The following RFX7 variants were observed in gnomAD, a reference collection of about 807,000 sequenced individuals.
The protein encoded by RFX7 is DNA-binding protein RFX7.
Under a neutral mutation model 111.8 loss-of-function variants are expected in RFX7, and 26 were observed. The ratio of observed to expected loss-of-function variants is 0.23; its 90% CI spans 0.17 to 0.32. RFX7 has a LOEUF of 0.32. Among genes scored for constraint, RFX7 ranks in the 10% least tolerant of loss-of-function variants. The probability of loss-of-function intolerance (pLI) is 1.00; values close to 1 mark genes in which losing one functional copy is unlikely to be tolerated. For synonymous variants in RFX7, 624 were observed against 624.4 expected (o/e 1.00, Z 0.01); for missense variants, 1,573 against 1,772.9 (o/e 0.89, Z 2.02).
intron 2 of RFX7, among the ~76,000 whole-genome samples, chr15:56,214,559 C>A (rs372813596): frequency 6.6e-6 from 1 of 151,850 alleles, no homozygotes; most frequent in Non-Finnish European, 1.5e-5. Context: ...ACTAAAAATA[C>A]GAAAAATTAG....
At chr15:56,165,965 G>C (rs560180214) in intron 3 of RFX7, among the ~76,000 whole-genome samples, 1 of 152,126 alleles carries the variant, frequency 6.6e-6, no homozygotes, top group Non-Finnish European at 1.5e-5. Flanking sequence ...GCAGTGGCAC[G>C]TTCATGGCTC....
At chr15:56,154,518 C>G (rs1210794259) in intron 3 of RFX7, among the ~76,000 whole-genome samples, 11 of 152,150 alleles carry the variant, frequency 7.2e-5, no homozygotes, top group Non-Finnish European at 1.6e-4. Flanking sequence ...CTGAGAAAAA[C>G]AAGCAATGGG....
In RFX7 at chr15:56,158,344, TTATGA is replaced by T. The variant is rs567907127; in HGVS notation, c.196-13866_196-13862del. 1.6e-4 allele frequency among the ~76,000 whole-genome samples: 24 copies of T among 152,300 alleles called. No homozygotes were observed. The South Asian group carries it at 4.1e-3, about 26-fold the overall frequency. Reference sequence around the variant, plus strand: ...GCTCATAATTTTTGTGATATAAAACTTATGATAGGTAGTGTTATGTAAATGTTATT... The same window carrying T: ...GCTCATAATTTTTGTGATATAAAACTTAGGTAGTGTTATGTAAATGTTATT... On this transcript the variant is annotated intron_variant, in intron 3 of 9. Transcript: ENST00000559447.
intron 2 of RFX7, among the ~76,000 whole-genome samples, chr15:56,238,662 C>T (rs1472785102): frequency 1.3e-5 from 2 of 152,076 alleles, no homozygotes; most frequent in East Asian, 1.9e-4. Flanking sequence ...TAATTGATAA[C>T]AAATTCTTTT....
chr15:56,089,030 C>T lies in RFX7; in HGVS notation c.*4315G>A, dbSNP rs1304019177. On this transcript the variant is annotated 3_prime_UTR_variant, in exon 10 of 10. Coordinates refer to ENST00000559447, the MANE Select transcript of RFX7 (RefSeq NM_022841.7). The stretch of plus-strand genomic sequence containing the variant: ...CTGGTTGCCTCCCAAAGAGCAAGTC[C>T]CTAATATCTTCCCTAGGTGATGGAA... The T allele has an allele frequency of 6.6e-6, 1 of 152,106 alleles. No homozygotes were observed. The highest frequency in any genetic ancestry group is 2.4e-5 in the African/African-American group (1 of 41,398). The allele number at this position is 152,106 out of a possible 1,614,324, so 9.4% of individuals were successfully genotyped here. A position where few individuals can be genotyped will look rare whatever the true frequency, so the allele number is the denominator to read the frequency against.
chr15:56,127,270 T>C (rs1375946913), intron 5 of RFX7, among the ~76,000 whole-genome samples: 2 of 151,630 alleles, frequency 1.3e-5, no homozygotes, highest in Non-Finnish European at 2.9e-5. Context: ...AGAGAATACT[T>C]GAGATAAAAA....
chr15:56,243,711 C>T lies in RFX7; in HGVS notation c.-269G>A, dbSNP rs1405091010. Among the ~76,000 whole-genome samples, 1 of 151,646 alleles carries T rather than the reference C, an allele frequency of 6.6e-6. No homozygotes were observed. Among genetic ancestry groups the T allele is most frequent in the African/African-American group, 2.4e-5 (1 of 41,368 alleles). On this transcript the variant is annotated 5_prime_UTR_variant, in exon 1 of 10. Coordinates refer to ENST00000559447, the MANE Select transcript of RFX7 (RefSeq NM_022841.7). ...GGGATTTGGCGGCCAAGCCTTCCTT[C>T]CTTGTCCCCGGGGCTTTCTACTGCC...
At chr15:56,142,955 T>C in intron 4 of RFX7, 55 bp from the exon 5 acceptor site, 1 of 1,594,818 alleles carries the variant, frequency 6.3e-7, no homozygotes, top group South Asian at 1.1e-5. Flanking sequence ...TTAACGATTT[T>C]TGAGCTAGGC....
Position 56,093,470 on chromosome 15 carries a change from G to T in RFX7, c.4258C>A (p.Leu1420Met). ...RQQGQDDEAT[L>M]EELKNDPLFQ... Reference sequence around the variant, plus strand: ...AATGGGTCATTCTTTAATTCTTCCAGTGTAGCTTCATCATCTTGTCCCTGC... The same window carrying T: ...AATGGGTCATTCTTTAATTCTTCCATTGTAGCTTCATCATCTTGTCCCTGC... Residue 1420 changes from leucine (L) to methionine (M), a missense_variant, in exon 10 of 10, where the codon CTG (leucine) becomes ATG (methionine). Physicochemically the swap from Leu to Met is conservative, Grantham distance 15. This residue lies in a region of RFX7 where 411 missense variants were observed against 478.1 expected (regional missense o/e 0.86). Coordinates refer to ENST00000559447, the MANE Select transcript of RFX7 (RefSeq NM_022841.7). 2.5e-6 allele frequency: 4 copies of T among 1,613,852 alleles called. No homozygotes were observed. The highest frequency in any genetic ancestry group is 3.4e-6 in the Non-Finnish European group (4 of 1,179,842).
chr15:56,127,712 T>G (rs1469919056), intron 5 of RFX7, among the ~76,000 whole-genome samples: 1 of 151,810 alleles, frequency 6.6e-6, no homozygotes, highest in Non-Finnish European at 1.5e-5. Flanking sequence ...CATGCCCGGC[T>G]AATTTTTGTA....
intron 3 of RFX7, among the ~76,000 whole-genome samples, chr15:56,174,824 G>A (rs1280901871): frequency 2.6e-5 from 4 of 152,038 alleles, no homozygotes; most frequent in African/African-American, 9.7e-5. Context: ...AAAGTAACAT[G>A]TTTAACCTGA....
At chr15:56,158,084 T>C (rs1486520618) in intron 3 of RFX7, among the ~76,000 whole-genome samples, 1 of 152,146 alleles carries the variant, frequency 6.6e-6, no homozygotes, top group Non-Finnish European at 1.5e-5. Context: ...GAATAACCCA[T>C]ATTACATAAG....
chr15:56,215,368 C>A (rs1462936851), intron 2 of RFX7, among the ~76,000 whole-genome samples: 1 of 152,124 alleles, frequency 6.6e-6, no homozygotes, highest in Non-Finnish European at 1.5e-5. Context: ...TTAAAGAAGT[C>A]CCCTTCTGTT....
intron 5 of RFX7, among the ~76,000 whole-genome samples, chr15:56,109,039 C>G (rs1210411577): frequency 2.0e-5 from 3 of 151,064 alleles, no homozygotes; most frequent in African/African-American, 4.8e-5. Context: ...CCCTCTCCCT[C>G]TCCCACTCCC....
chr15:56,154,599 T>C (rs1595972382), intron 3 of RFX7, among the ~76,000 whole-genome samples: 1 of 152,148 alleles, frequency 6.6e-6, no homozygotes, highest in South Asian at 2.1e-4. Flanking sequence ...TGAAACTGGA[T>C]CCCTTCCTTA....
At chr15:56,100,225 C>G (rs1451520750) in intron 8 of RFX7, among the ~76,000 whole-genome samples, 4 of 152,196 alleles carry the variant, frequency 2.6e-5, no homozygotes, top group Non-Finnish European at 4.4e-5. Context: ...ACCTATCTCA[C>G]AGGACTGCTG....
chr15:56,240,803 ATAT>A (rs1353130949), intron 2 of RFX7, among the ~76,000 whole-genome samples: 32 of 152,270 alleles, frequency 2.1e-4, no homozygotes, highest in African/African-American at 7.2e-4. Flanking sequence ...TTGTAAAATA[ATAT>A]TATTGTCTCA....
intron 2 of RFX7, among the ~76,000 whole-genome samples, chr15:56,197,501 A>G (rs902760381): frequency 6.6e-6 from 1 of 151,920 alleles, no homozygotes; most frequent in Non-Finnish European, 1.5e-5. Context: ...TCTGGATTCC[A>G]TGTGTGATGT....
At chr15:56,144,794 T>C (rs2042446583) in intron 3 of RFX7, among the ~76,000 whole-genome samples, 1 of 152,136 alleles carries the variant, frequency 6.6e-6, no homozygotes, top group Non-Finnish European at 1.5e-5. Flanking sequence ...GTTTTACTTG[T>C]CCTATAGGAC....
Sources: gnomAD v4.1 joint callset for allele counts (sites outside exome capture counted in the v4.1 genomes callset) on GRCh38, gnomAD v4.1.1 for gene constraint, gnomAD v4.1.1 regional missense constraint, MANE v1.5 for transcripts, NCBI Gene and HGNC (gene_info 2026-07-23, HGNC 2026-07-21) for gene names.